The following SLIT1 variants were observed in gnomAD, a reference collection of about 807,000 sequenced individuals.
SLIT1 encodes slit homolog 1 protein.
In SLIT1, 66 loss-of-function variants were observed where a neutral mutation model predicts 186.1. The ratio of observed to expected loss-of-function variants is 0.35; its 90% CI spans 0.29 to 0.44. The LOEUF is 0.44. Among genes scored for constraint, SLIT1 ranks in the 20% least tolerant of loss-of-function variants. The pLI is 1.00. For missense variants in SLIT1, 1,638 were observed against 2,037.4 expected (o/e 0.80, Z 3.77); for synonymous variants, 761 against 833.8 (o/e 0.91, Z 1.50).
chr10:97,165,503 G>A (rs1396385225), intron 1 of SLIT1, among the ~76,000 whole-genome samples: 7 of 152,126 alleles, frequency 4.6e-5, no homozygotes, highest in Admixed American at 4.6e-4. Context: ...AACTGCACAC[G>A]ACGGGGAGGG....
chr10:97,035,410 C>T (rs1348706831), intron 22 of SLIT1, among the ~76,000 whole-genome samples: 1 of 152,168 alleles, frequency 6.6e-6, no homozygotes, highest in Non-Finnish European at 1.5e-5. Flanking sequence ...CTTGTTCTCC[C>T]TACCACGCCC....
At chr10:97,129,974 G>A (rs1849638275) in intron 4 of SLIT1, among the ~76,000 whole-genome samples, 1 of 152,148 alleles carries the variant, frequency 6.6e-6, no homozygotes, top group Admixed American at 6.6e-5. Flanking sequence ...CCCTGGCATT[G>A]CTCCTAGATC....
At chr10:97,044,444 C>T (rs1323775607) in intron 18 of SLIT1, among the ~76,000 whole-genome samples, 1 of 152,286 alleles carries the variant, frequency 6.6e-6, no homozygotes, top group East Asian at 1.9e-4. Flanking sequence ...CTCAATTTCA[C>T]TTGCCAACCA....
intron 4 of SLIT1, among the ~76,000 whole-genome samples, chr10:97,150,987 G>A (rs957608365): frequency 2.7e-4 from 41 of 151,674 alleles, no homozygotes; most frequent in African/African-American, 8.7e-4. Flanking sequence ...CCCCCACCAG[G>A]GTATACCTGC....
chr10:97,004,543 TG>T lies in SLIT1; in HGVS notation c.3710+149del. ...GGCCTCAGAGACCTCAGCCCCAAGC[TG>T]GGGCTAACCCAGATGGTTCAAGTGT... is the stretch of plus-strand genomic sequence containing the variant. On this transcript the variant is annotated intron_variant, in intron 33 of 36. Coordinates refer to ENST00000266058, the MANE Select transcript of SLIT1 (RefSeq NM_003061.3). The surrounding 1 kb of genome is among the most constrained non-coding windows in gnomAD (Gnocchi z 5.1). 2.1e-6 allele frequency: 2 copies of T among 936,884 alleles called. No individual in the cohort carries two copies. Among genetic ancestry groups the T allele is most frequent in the Non-Finnish European group, 1.6e-6 (1 of 609,582 alleles). 58.0% of individuals were successfully genotyped at this position (936,884 alleles called of 1,614,324 possible). A position where few individuals can be genotyped will look rare whatever the true frequency, so the allele number is the denominator to read the frequency against.
Position 97,040,045 on chromosome 10 carries a change from C to A in SLIT1, c.2240G>T (p.Cys747Phe). The change falls in exon 21 of 37, where the codon TGC (cysteine) becomes TTC (phenylalanine). Residue 747 changes from cysteine to phenylalanine, a missense_variant. Coordinates refer to ENST00000266058, the MANE Select transcript of SLIT1 (RefSeq NM_003061.3). ...CAGGGCCCGCAGGTGCTTGTTGCTG[C>A]ATCGGACCACGGTGTCCAGGCAGGC... ...ECACLDTVVR[C>F]SNKHLRALPK... The A allele has an allele frequency of 6.2e-7, 1 of 1,613,150 alleles. No individual in the cohort carries two copies. Among genetic ancestry groups the A allele is most frequent in the Non-Finnish European group, 8.5e-7 (1 of 1,179,558 alleles).
At chr10:97,018,840 C>A in intron 27 of SLIT1, 143 bp downstream of exon 27, 1 of 647,810 alleles carries the variant, frequency 1.5e-6, no homozygotes, top group East Asian at 2.7e-5. Flanking sequence ...TTCATTCATT[C>A]ATTCATTCAT....
At chr10:97,050,046 C>A (rs1848773801) in intron 13 of SLIT1, among the ~76,000 whole-genome samples, 1 of 152,218 alleles carries the variant, frequency 6.6e-6, no homozygotes, top group African/African-American at 2.4e-5. Context: ...CTACACCTGT[C>A]CTGGCTCTGG....
Position 97,034,479 on chromosome 10 carries a change from C to A in SLIT1, c.2430G>T (p.Leu810=). Residue 810 remains leucine, a synonymous_variant, in exon 23 of 37, where the codon CTG becomes CTT. Transcript: ENST00000266058. The part of the protein sequence containing the change: ...SNSSFTNMSQ[L]TTLILSYNAL... ...GCCCTGCTGGGACTCACAGAGTGGT[C>A]AGCTGGCTCATGTTGGTGAAGGAGG... The A allele has an allele frequency of 1.2e-6, 2 of 1,613,330 alleles. No homozygotes were observed. The highest frequency in any genetic ancestry group is 2.2e-5 in the South Asian group (2 of 91,034).
Position 97,002,231 on chromosome 10 carries a change from G to A in SLIT1, c.4293C>T (p.His1431=). ...PCRGLQCLHG[H]CQASGTKGAH... ...CCCCCTTGGTGCCTGAGGCCTGGCA[G>A]TGGCCATGCAGGCACTGCAGGCCTC... The change falls in exon 36 of 37, where the codon CAC becomes CAT. Residue 1431 remains histidine (H), a synonymous_variant. Transcript: ENST00000266058. 6.3e-7 allele frequency: 1 copy of A among 1,591,530 alleles called. No individual in the cohort carries two copies. Among genetic ancestry groups the A allele is most frequent in the Non-Finnish European group, 8.6e-7 (1 of 1,167,178 alleles).
intron 4 of SLIT1, among the ~76,000 whole-genome samples, chr10:97,131,256 C>T (rs1345574609): frequency 6.6e-6 from 1 of 152,236 alleles, no homozygotes; most frequent in East Asian, 1.9e-4. Flanking sequence ...CTCTAATGCC[C>T]TTTAAAATTC....
At chr10:97,056,539 C>G in intron 12 of SLIT1, 75 bp from the exon 13 acceptor site, 1 of 1,501,836 alleles carries the variant, frequency 6.7e-7, no homozygotes, top group Non-Finnish European at 9.2e-7. Context: ...TGGGCACCTT[C>G]TTCAGTCCCG....
intron 4 of SLIT1, among the ~76,000 whole-genome samples, chr10:97,109,775 G>A (rs1370126813): frequency 2.0e-5 from 3 of 152,166 alleles, no homozygotes; most frequent in Non-Finnish European, 4.4e-5. Flanking sequence ...CCCTTCTGTA[G>A]CACATTAAAG....
rs182503466 is a variant in SLIT1, at chr10:97,105,719, C to T, written c.414-39633G>A. Among the ~76,000 whole-genome samples the T allele has an allele frequency of 4.6e-5, 7 of 152,342 alleles. No individual in the cohort carries two copies. The East Asian group carries it at 1.3e-3, about 29-fold the overall frequency. ...TCTCCGCAGGGTCTTAATTAAGGAACTTGAGGTGAAAATGGGGCCAGGACA... is the reference window on the plus strand; with the variant it reads ...TCTCCGCAGGGTCTTAATTAAGGAATTTGAGGTGAAAATGGGGCCAGGACA... On this transcript the variant is annotated intron_variant, in intron 4 of 36. Transcript: ENST00000266058.
At chr10:97,064,307 T>C in intron 6 of SLIT1, 68 bp from the exon 7 acceptor site, 1 of 1,330,716 alleles carries the variant, frequency 7.5e-7, no homozygotes, top group Non-Finnish European at 1.1e-6. Flanking sequence ...AGGGCCGCCC[T>C]GCTAACGAAC....
At chr10:97,100,477 A>G (rs1363528504) in intron 4 of SLIT1, among the ~76,000 whole-genome samples, 1 of 152,112 alleles carries the variant, frequency 6.6e-6, no homozygotes, top group East Asian at 1.9e-4. Context: ...TACAAAAAAA[A>G]GAAAAAAAAT....
chr10:97,103,956 C>A (rs1033278166), intron 4 of SLIT1, among the ~76,000 whole-genome samples: 1 of 152,168 alleles, frequency 6.6e-6, no homozygotes, highest in African/African-American at 2.4e-5. Flanking sequence ...GTCACTCATG[C>A]AGTAACTACC....
chr10:97,005,530 G>T (rs1848352456), intron 32 of SLIT1, among the ~76,000 whole-genome samples: 1 of 152,224 alleles, frequency 6.6e-6, no homozygotes, highest in African/African-American at 2.4e-5. Flanking sequence ...AGATGGGCAT[G>T]TGACTAACGC....
At chr10:97,110,303 T>C (rs1387309450) in intron 4 of SLIT1, among the ~76,000 whole-genome samples, 1 of 152,144 alleles carries the variant, frequency 6.6e-6, no homozygotes, top group East Asian at 1.9e-4. Flanking sequence ...CACGTGCCCA[T>C]GACCTAGCAA....
Sources: gnomAD v4.1 joint callset for allele counts (sites outside exome capture counted in the v4.1 genomes callset) on GRCh38, gnomAD v4.1.1 for gene constraint, Gnocchi (gnomAD v3.1) non-coding constraint, MANE v1.5 for transcripts, NCBI Gene and HGNC (gene_info 2026-07-23, HGNC 2026-07-21) for gene names.